Variants in RPH3A observed in about 807,000 individuals in gnomAD.
RPH3A encodes rabphilin 3A, also known as rabphilin-3A.
A neutral mutation model predicts 102.2 loss-of-function variants in RPH3A; 48 were observed. The ratio of observed to expected loss-of-function variants is 0.47; its 90% CI spans 0.37 to 0.60. The LOEUF is 0.60. Among genes scored for constraint, RPH3A ranks in the 20% least tolerant of loss-of-function variants. RPH3A has a pLI of 0.00. For synonymous variants in RPH3A, 310 were observed against 324.3 expected, an observed-to-expected ratio of 0.96 and a Z score of 0.47; for missense variants, 781 against 910.1, an observed-to-expected ratio of 0.86 and a Z score of 1.83.
Position 112,875,711 on chromosome 12 carries a change from C to T in RPH3A, c.916C>T (p.Pro306Ser), listed in dbSNP as rs2042786506. ...TPGGSRPGPG[P>S]AGRFPDQKPE... ...AGGAGGAAGCAGACCGGGTCCTGGG[C>T]CAGCAGGACGCTTTCCAGATCAGAA... Residue 306 changes from proline (P) to serine (S), a missense_variant, in exon 12 of 22, where the codon CCA becomes TCA. Coordinates refer to ENST00000389385, the MANE Select transcript of RPH3A (RefSeq NM_001143854.2). The T allele has an allele frequency of 1.2e-6, 2 of 1,613,952 alleles. No individual in the cohort carries two copies. Among genetic ancestry groups the T allele is most frequent in the Non-Finnish European group, 1.7e-6 (2 of 1,179,950 alleles).
chr12:112,724,394 A>G (rs1342205994), intron 1 of RPH3A, among the ~76,000 whole-genome samples: 1 of 152,084 alleles, frequency 6.6e-6, no homozygotes, highest in Non-Finnish European at 1.5e-5. Context: ...TTGGCAGTTT[A>G]TCTTCAAGTT....
At chr12:112,785,230 GA>G (rs55642465) in intron 1 of RPH3A, among the ~76,000 whole-genome samples, 8,695 of 141,274 alleles carry the variant, frequency 0.062, 430 homozygotes, top group African/African-American at 0.14. Flanking sequence ...TCTCAAAAAA[GA>G]AAAAAAAAAA....
chr12:112,738,019 T>C (rs1222538759), intron 1 of RPH3A, among the ~76,000 whole-genome samples: 1 of 152,216 alleles, frequency 6.6e-6, no homozygotes, highest in Admixed American at 6.5e-5. Flanking sequence ...GTGCTCCCTC[T>C]GAGACTTTGG....
intron 2 of RPH3A, among the ~76,000 whole-genome samples, chr12:112,801,029 G>A (rs1183474448): frequency 4.6e-5 from 7 of 152,050 alleles, no homozygotes; most frequent in Admixed American, 4.6e-4. Flanking sequence ...TAATCTATCA[G>A]CATGAAGCAG....
At chr12:112,829,027 G>A (rs2041925772) in intron 3 of RPH3A, among the ~76,000 whole-genome samples, 1 of 152,062 alleles carries the variant, frequency 6.6e-6, no homozygotes, top group Non-Finnish European at 1.5e-5. Flanking sequence ...ATTCCTTGTT[G>A]GTCTCTAATA....
intron 1 of RPH3A, among the ~76,000 whole-genome samples, chr12:112,715,155 G>A (rs1262361061): frequency 1.3e-5 from 2 of 152,130 alleles, no homozygotes; most frequent in Admixed American, 1.3e-4. Flanking sequence ...TCAAGCATAT[G>A]AGGTTTGCTC....
chr12:112,617,363 C>G (rs758073882), intron 1 of RPH3A, among the ~76,000 whole-genome samples: 1 of 152,144 alleles, frequency 6.6e-6, no homozygotes, highest in Non-Finnish European at 1.5e-5. Context: ...AATGGCCACC[C>G]TTGTCATTTA....
intron 1 of RPH3A, among the ~76,000 whole-genome samples, chr12:112,588,722 G>A (rs2039456302): frequency 6.6e-6 from 1 of 152,124 alleles, no homozygotes; most frequent in Admixed American, 6.5e-5. Flanking sequence ...CTTCTCCAAG[G>A]CCAGTTAAGC....
intron 2 of RPH3A, among the ~76,000 whole-genome samples, chr12:112,794,889 A>G (rs1416450075): frequency 6.6e-6 from 1 of 152,208 alleles, no homozygotes; most frequent in African/African-American, 2.4e-5. Flanking sequence ...GATGTTCAGC[A>G]GTGTCTCTCC....
intron 1 of RPH3A, among the ~76,000 whole-genome samples, chr12:112,758,163 C>A (rs1410862011): frequency 6.6e-6 from 1 of 152,172 alleles, no homozygotes; most frequent in Non-Finnish European, 1.5e-5. Context: ...TGGAGGAGAG[C>A]TCAATGGAAG....
At chr12:112,643,747 G>A (rs1592922518) in intron 1 of RPH3A, among the ~76,000 whole-genome samples, 1 of 152,238 alleles carries the variant, frequency 6.6e-6, no homozygotes, top group Admixed American at 6.5e-5. Context: ...ACAGGGAGGG[G>A]AAGAAAGTCA....
At chr12:112,674,243 A>C (rs2040156264) in intron 1 of RPH3A, among the ~76,000 whole-genome samples, 1 of 152,068 alleles carries the variant, frequency 6.6e-6, no homozygotes, top group African/African-American at 2.4e-5. Context: ...TTTTTTGTAG[A>C]GATGGGGTCT....
chr12:112,630,344 A>G (rs1221062600), intron 1 of RPH3A, among the ~76,000 whole-genome samples: 1 of 152,212 alleles, frequency 6.6e-6, no homozygotes, highest in Non-Finnish European at 1.5e-5. Flanking sequence ...TTATTGAGGG[A>G]GAGTTCTCAG....
At position 112,646,720 on chromosome 12, in the gene RPH3A, T is replaced by G. The variant is rs536247810; in HGVS notation, c.-140+71401T>G. Among the ~76,000 whole-genome samples, 3 of 152,344 alleles carry G rather than the reference T, an allele frequency of 2.0e-5. No individual in the cohort carries two copies. The South Asian group carries it at 6.2e-4, about 32-fold the overall frequency. On this transcript the variant is annotated intron_variant, in intron 1 of 21. Coordinates refer to the RPH3A transcript ENST00000543106. ...TGAGCCTCCATTTTTCCATCCCTAATGTTAATTCCACTTTTCAATACTCAC... is the reference window on the plus strand; with the variant it reads ...TGAGCCTCCATTTTTCCATCCCTAAGGTTAATTCCACTTTTCAATACTCAC...
intron 1 of RPH3A, among the ~76,000 whole-genome samples, chr12:112,633,200 T>C (rs1334485271): frequency 6.6e-6 from 1 of 152,136 alleles, no homozygotes; most frequent in Non-Finnish European, 1.5e-5. Flanking sequence ...ACCCTGTCTC[T>C]AAAAACAACA....
chr12:112,727,486 CA>C (rs2040601462), intron 1 of RPH3A, among the ~76,000 whole-genome samples: 2 of 108,120 alleles, frequency 1.8e-5, no homozygotes, highest in Admixed American at 9.6e-5. Flanking sequence ...CACACACACA[CA>C]CACAGACCCC....
intron 11 of RPH3A, 80 bp from the exon 12 acceptor site, chr12:112,875,599 G>T: frequency 7.8e-7 from 1 of 1,280,496 alleles, no homozygotes; most frequent in Non-Finnish European, 1.1e-6. Context: ...CCACACCTGT[G>T]AAATGAAAAG....
rs1428580238 is a variant in RPH3A, at chr12:112,847,732, G to A, written c.120G>A (p.Gln40=). Residue 40 remains glutamine, a synonymous_variant, in exon 5 of 22, where the codon CAG becomes CAA. Coordinates refer to ENST00000389385, the MANE Select transcript of RPH3A (RefSeq NM_001143854.2). ...GCTGGTCCGTCCACCCCGGTGGTCAGCCTGACAGGCAGAGGAAGCAGGAAG... is the reference window on the plus strand; with the variant it reads ...GCTGGTCCGTCCACCCCGGTGGTCAACCTGACAGGCAGAGGAAGCAGGAAG... ...QAGWSVHPGG[Q]PDRQRKQEEL... 4 of 1,614,060 alleles carry A rather than the reference G, an allele frequency of 2.5e-6. No homozygotes were observed. In the African/African-American group the frequency reaches 5.3e-5, roughly 22 times the overall value.
At chr12:112,704,323 C>T (rs2040414264) in intron 1 of RPH3A, among the ~76,000 whole-genome samples, 1 of 152,146 alleles carries the variant, frequency 6.6e-6, no homozygotes, top group African/African-American at 2.4e-5. Flanking sequence ...CTCCTGACCT[C>T]AGGTGATCCG....
Sources: allele counts gnomAD v4.1 joint callset (sites outside exome capture counted in the v4.1 genomes callset), GRCh38; gene constraint gnomAD v4.1.1; transcripts MANE v1.5; gene names NCBI Gene and HGNC (gene_info 2026-07-23, HGNC 2026-07-21).